MACROH2A2: variants seen among roughly 807,000 people sequenced by gnomAD.
The protein encoded by MACROH2A2 is macroH2A.2 histone, also known as core histone macro-H2A.2.
A neutral mutation model predicts 37.6 loss-of-function variants in MACROH2A2; 6 were observed. The observed-to-expected ratio is 0.16, with a 90% CI of 0.09 to 0.32. MACROH2A2 has a LOEUF of 0.32. Ranked by LOEUF, MACROH2A2 falls within the 10% of genes least tolerant of loss-of-function variation. The pLI, the probability that MACROH2A2 is intolerant of heterozygous loss-of-function variation, is 1.00. For synonymous variants in MACROH2A2, 192 were observed against 202.7 expected (o/e 0.95, Z 0.45); for missense variants, 290 against 485.9 (o/e 0.60, Z 3.79).
At chr10:70,102,611 A>C (rs1374038396) in intron 7 of MACROH2A2, among the ~76,000 whole-genome samples, 2 of 152,132 alleles carry the variant, frequency 1.3e-5, no homozygotes, top group African/African-American at 4.8e-5. Flanking sequence ...CAAGCTACTC[A>C]GAGGCTGAAG....
intron 2 of MACROH2A2, among the ~76,000 whole-genome samples, chr10:70,085,339 C>A (rs7083371): frequency 2.6e-5 from 4 of 151,962 alleles, no homozygotes; most frequent in African/African-American, 9.7e-5. Context: ...GTAGTACAGA[C>A]GGGTGGGTAG....
intron 2 of MACROH2A2, among the ~76,000 whole-genome samples, chr10:70,076,524 A>G (rs1178646759): frequency 1.3e-5 from 2 of 152,154 alleles, no homozygotes; most frequent in African/African-American, 4.8e-5. Flanking sequence ...TCATAGTTAA[A>G]TAGAAACCAA....
intron 1 of MACROH2A2, among the ~76,000 whole-genome samples, chr10:70,071,575 G>A (rs528132002): frequency 2.0e-4 from 31 of 152,308 alleles, no homozygotes; most frequent in African/African-American, 5.8e-4. Context: ...AAAGGGGTAC[G>A]TTCTGAGAAA....
chr10:70,092,279 G>A (rs1474156731), intron 4 of MACROH2A2, among the ~76,000 whole-genome samples: 1 of 151,886 alleles, frequency 6.6e-6, no homozygotes, highest in Non-Finnish European at 1.5e-5. Flanking sequence ...TGAGAAACAA[G>A]TTTCTGGGCC....
Position 70,095,656 on chromosome 10 carries a change from G to A in MACROH2A2, c.591G>A (p.Leu197=), listed in dbSNP as rs2072272256. 5 of 1,483,972 alleles carry A rather than the reference G, an allele frequency of 3.4e-6. No homozygotes were observed. The South Asian group carries it at 4.6e-5, about 14-fold the overall frequency. The allele number at this position is 1,483,972 out of a possible 1,614,324, so 91.9% of individuals were successfully genotyped here. A position where few individuals can be genotyped will look rare whatever the true frequency, so the allele number is the denominator to read the frequency against. Residue 197 remains leucine, a splice_region_variant and synonymous_variant, in exon 6 of 9, where the codon CTG becomes CTA. Coordinates refer to ENST00000373255, the MANE Select transcript of MACROH2A2 (RefSeq NM_018649.3). ...SSKSLVLGQK[L]SLTQSDISHI... ...ACCACCTTTTCTTCCTAATGCAGCT[G>A]TCCTTAACCCAGAGTGACATCAGCC...
intron 1 of MACROH2A2, among the ~76,000 whole-genome samples, chr10:70,058,613 T>TGGCTG (rs912174534): frequency 1.3e-5 from 2 of 151,814 alleles, no homozygotes; most frequent in Admixed American, 6.6e-5. Flanking sequence ...GGCCCCATGC[T>TGGCTG]GGCTGGGCTG....
chr10:70,085,584 T>C (rs1355823301), intron 2 of MACROH2A2, among the ~76,000 whole-genome samples: 1 of 152,200 alleles, frequency 6.6e-6, no homozygotes, highest in Non-Finnish European at 1.5e-5. Context: ...TTGGTTTAAA[T>C]TGTATACAAA....
At chr10:70,081,522 C>T (rs975719065) in intron 2 of MACROH2A2, among the ~76,000 whole-genome samples, 3 of 151,886 alleles carry the variant, frequency 2.0e-5, no homozygotes, top group Admixed American at 6.6e-5. Context: ...AAGATGTGAG[C>T]GTGTGACGCG....
intron 1 of MACROH2A2, among the ~76,000 whole-genome samples, chr10:70,066,093 G>C (rs1487016208): frequency 6.6e-6 from 1 of 152,120 alleles, no homozygotes; most frequent in Non-Finnish European, 1.5e-5. Flanking sequence ...ATCACTTGAA[G>C]CCAAGAGTTC....
chr10:70,090,274 A>G (rs2072236857), intron 3 of MACROH2A2, 108 bp downstream of exon 3: 6 of 716,520 alleles, frequency 8.4e-6, no homozygotes, highest in South Asian at 4.9e-5. Context: ...AATTACATTT[A>G]TACAAAAAAA....
At chr10:70,099,655 G>GAAAGAGTGGGGCATTCCCCT (rs2072295362) in intron 6 of MACROH2A2, 1 of 151,620 alleles carries the variant, frequency 6.6e-6, no homozygotes, top group African/African-American at 2.4e-5. Flanking sequence ...GGAAAAAAAA[G>GAAAGAGTGGGGCATTCCCCT]AAAGAGTGGG....
chr10:70,100,965 C>T (rs2072303363), intron 7 of MACROH2A2, among the ~76,000 whole-genome samples: 2 of 152,188 alleles, frequency 1.3e-5, no homozygotes, highest in African/African-American at 4.8e-5. Flanking sequence ...AGTACTTTTA[C>T]AGTGTCGTGC....
intron 7 of MACROH2A2, 48 bp from the exon 8 acceptor site, chr10:70,108,985 A>G (rs1564548820): frequency 2.6e-6 from 4 of 1,563,726 alleles, no homozygotes; most frequent in Non-Finnish European, 3.5e-6. Flanking sequence ...GCTATAACCT[A>G]GGAAACCTTA....
intron 1 of MACROH2A2, among the ~76,000 whole-genome samples, chr10:70,058,923 A>T (rs1000056718): frequency 6.6e-6 from 1 of 151,534 alleles, no homozygotes; most frequent in African/African-American, 2.4e-5. Flanking sequence ...CAACAACCCT[A>T]TCACGACTAA....
intron 1 of MACROH2A2, among the ~76,000 whole-genome samples, chr10:70,056,099 C>T (rs1039089759): frequency 2.6e-5 from 4 of 152,106 alleles, no homozygotes; most frequent in African/African-American, 9.7e-5. Context: ...AGTAAAAATT[C>T]ATACAAAATG....
At position 70,111,542 on chromosome 10, in the gene MACROH2A2, G is replaced by A. The variant is rs751755171; in HGVS notation, c.978G>A (p.Ala326=). ...GAAACTGCTTTCCCAAACAGACTGC[G>A]GCCCAGGTGACCCTCAAAGCCATCT... is the stretch of plus-strand genomic sequence containing the variant. The part of the protein sequence containing the change: ...SGRNCFPKQT[A]AQVTLKAISA... The change falls in exon 9 of 9, where the codon GCG becomes GCA. Residue 326 remains alanine, a synonymous_variant. Transcript: ENST00000373255. 2.2e-5 allele frequency: 36 copies of A among 1,613,418 alleles called. No homozygotes were observed. Among genetic ancestry groups the A allele is most frequent in the African/African-American group, 6.7e-5 (5 of 74,908 alleles).
At chr10:70,100,715 C>G (rs976583207) in intron 7 of MACROH2A2, among the ~76,000 whole-genome samples, 1 of 149,726 alleles carries the variant, frequency 6.7e-6, no homozygotes, top group Non-Finnish European at 1.5e-5. Flanking sequence ...CTCCCAAGTT[C>G]AAACGATTCT....
At chr10:70,101,103 T>C (rs926279985) in intron 7 of MACROH2A2, among the ~76,000 whole-genome samples, 1 of 152,106 alleles carries the variant, frequency 6.6e-6, no homozygotes, top group African/African-American at 2.4e-5. Flanking sequence ...TGAGAAAAGA[T>C]AGTTTGAGAG....
chr10:70,097,854 G>T (rs2072284110), intron 6 of MACROH2A2, among the ~76,000 whole-genome samples: 1 of 152,138 alleles, frequency 6.6e-6, no homozygotes, highest in South Asian at 2.1e-4. Flanking sequence ...CACTCCTGTA[G>T]TCCCAGCTAC....
Sources: allele counts gnomAD v4.1 joint callset (sites outside exome capture counted in the v4.1 genomes callset), GRCh38; gene constraint gnomAD v4.1.1; transcripts MANE v1.5; gene names NCBI Gene and HGNC (gene_info 2026-07-23, HGNC 2026-07-21).